The following PTK2 variants were observed in gnomAD, a reference collection of about 807,000 sequenced individuals.
PTK2 encodes the protein protein tyrosine kinase 2.
Under a neutral mutation model 150.1 loss-of-function variants are expected in PTK2, and 45 were observed. That is an observed-to-expected ratio of 0.30 (90% confidence interval 0.24 to 0.38). PTK2 has a LOEUF of 0.38. Among genes scored for constraint, PTK2 ranks in the 10% least tolerant of loss-of-function variants. The pLI is 1.00. For synonymous variants in PTK2, 432 were observed against 449.2 expected (o/e 0.96, Z 0.48); for missense variants, 919 against 1,307.3 (o/e 0.70, Z 4.58).
In PTK2 at chr8:140,758,511, C is replaced by A. The variant is rs1594244416; in HGVS notation, c.1332+2654G>T. Among the ~76,000 whole-genome samples, 3 of 152,190 alleles carry A rather than the reference C, an allele frequency of 2.0e-5. No homozygotes were observed. In the East Asian group the frequency reaches 5.8e-4, roughly 29 times the overall value. ...TGCCCTAGGAGATGACATCTCCATG[C>A]ACATTACTGCCTCTGAGGACCTTCC... On this transcript the variant is annotated intron_variant, in intron 16 of 31. Transcript: ENST00000522684.
At chr8:140,995,095 A>T (rs1217571096) in intron 1 of PTK2, among the ~76,000 whole-genome samples, 1 of 151,534 alleles carries the variant, frequency 6.6e-6, no homozygotes, top group African/African-American at 2.4e-5. Context: ...AAAAAAAAAA[A>T]AAAAGGACGG....
In PTK2 at chr8:140,719,045, G is replaced by A. The variant is rs185889194; in HGVS notation, c.2031-1336C>T. On this transcript the variant is annotated intron_variant, in intron 22 of 31. Coordinates refer to ENST00000522684, the Ensembl canonical transcript of PTK2. Reference sequence around the variant, plus strand: ...ACAAAAATTAGCCCGGTGTGGTGGCGCGTGCCTGTAGTTCCAGCTACTCGG... The same window carrying A: ...ACAAAAATTAGCCCGGTGTGGTGGCACGTGCCTGTAGTTCCAGCTACTCGG... Among the ~76,000 whole-genome samples the A allele has an allele frequency of 4.5e-3, 687 of 152,054 alleles. 4 individuals carry two copies. The highest frequency in any genetic ancestry group is 0.016 in the African/African-American group (647 of 41,474).
At chr8:140,884,789 C>T (rs1179135325) in intron 3 of PTK2, among the ~76,000 whole-genome samples, 2 of 152,196 alleles carry the variant, frequency 1.3e-5, no homozygotes, top group Non-Finnish European at 2.9e-5. Context: ...AACGTTACTT[C>T]CCATTACCAG....
At chr8:140,753,065 C>T (rs2100063727) in intron 16 of PTK2, among the ~76,000 whole-genome samples, 1 of 152,136 alleles carries the variant, frequency 6.6e-6, no homozygotes, top group South Asian at 2.1e-4. Flanking sequence ...CATGGCCTGA[C>T]CCAAAATTTT....
chr8:140,774,184 G>A lies in PTK2; in HGVS notation c.1178-9894C>T, dbSNP rs141209064. On this transcript the variant is annotated intron_variant, in intron 14 of 31. Transcript: ENST00000522684. ...TTGTACTGAGTTACTTGTTCTCTTT[G>A]GCTTTTGCGGTACAGGGATTACTCC... Among the ~76,000 whole-genome samples, 505 of 152,124 alleles carry A rather than the reference G, an allele frequency of 3.3e-3. 3 individuals are homozygous for A. Among genetic ancestry groups the A allele is most frequent in the African/African-American group, 0.012 (490 of 41,478 alleles).
intron 8 of PTK2, among the ~76,000 whole-genome samples, chr8:140,827,283 T>G (rs2100112346): frequency 1.3e-5 from 2 of 152,210 alleles, no homozygotes; most frequent in South Asian, 4.1e-4. Context: ...GACCTCTGTT[T>G]CCTAGACAGC....
chr8:140,903,226 T>C (rs1435294217), intron 2 of PTK2, among the ~76,000 whole-genome samples: 1 of 152,174 alleles, frequency 6.6e-6, no homozygotes, highest in East Asian at 1.9e-4. Context: ...GCACCATTTA[T>C]TAAATAGGGA....
chr8:140,738,745 G>T (rs1252455800), intron 21 of PTK2, among the ~76,000 whole-genome samples: 1 of 152,168 alleles, frequency 6.6e-6, no homozygotes, highest in African/African-American at 2.4e-5. Flanking sequence ...CCCCTGTGAG[G>T]AAAGAAGAGA....
intron 2 of PTK2, among the ~76,000 whole-genome samples, chr8:140,923,090 C>T (rs977664995): frequency 3.3e-5 from 5 of 152,104 alleles, no homozygotes; most frequent in Non-Finnish European, 1.5e-5. Context: ...CTCTCCTACC[C>T]CTGCAACTAC....
At chr8:140,705,526 T>C (rs2100033226) in intron 24 of PTK2, among the ~76,000 whole-genome samples, 1 of 152,230 alleles carries the variant, frequency 6.6e-6, no homozygotes. Flanking sequence ...ACACGCTCTA[T>C]ATCCTGAAGT....
intron 17 of PTK2, among the ~76,000 whole-genome samples, chr8:140,748,919 G>T (rs2100061148): frequency 2.0e-5 from 3 of 152,072 alleles, no homozygotes; most frequent in Admixed American, 1.3e-4. Flanking sequence ...TAAAAATGGG[G>T]AAAAATAATT....
chr8:140,744,684 A>G, exon 19 of PTK2: 2 of 1,601,430 alleles, frequency 1.2e-6, no homozygotes, highest in Non-Finnish European at 8.5e-7. Flanking sequence ...CTAGATATGC[A>G]AGAGCTGTAC....
chr8:140,674,291 T>G lies in PTK2; in HGVS notation c.2709+7A>C. On this transcript the variant is annotated splice_region_variant and intron_variant, in intron 29 of 31. Transcript: ENST00000522684. The stretch of plus-strand genomic sequence containing the variant: ...GCAGAAGGTGCTGCACAGGCTCAGA[T>G]GCCCACCTTGACACCCTCGTTGTAG... 1 of 1,597,722 alleles carries G rather than the reference T, an allele frequency of 6.3e-7. No individual in the cohort carries two copies. The highest frequency in any genetic ancestry group is 8.5e-7 in the Non-Finnish European group (1 of 1,171,538).
At chr8:140,832,352 G>A (rs2100115962) in intron 7 of PTK2, among the ~76,000 whole-genome samples, 2 of 152,220 alleles carry the variant, frequency 1.3e-5, no homozygotes, top group African/African-American at 4.8e-5. Context: ...ACTGCGCCCA[G>A]CCTCAGAGAG....
chr8:140,949,438 C>T (rs1053140021), intron 1 of PTK2, among the ~76,000 whole-genome samples: 2 of 152,180 alleles, frequency 1.3e-5, no homozygotes, highest in African/African-American at 2.4e-5. Flanking sequence ...CTCCTAGCCT[C>T]GGCTCCGGAG....
chr8:140,910,124 C>T lies in PTK2; in HGVS notation c.-33+15537G>A, dbSNP rs538251816. Among the ~76,000 whole-genome samples, 25 of 152,134 alleles carry T rather than the reference C, an allele frequency of 1.6e-4. No homozygotes were observed. In the South Asian group the frequency reaches 2.1e-3, roughly 13 times the overall value. On this transcript the variant is annotated intron_variant, in intron 2 of 31. Coordinates refer to ENST00000522684, the Ensembl canonical transcript of PTK2. ...GGCTGTTACCATCTCATTGATTCTG[C>T]CAATTTTACAAAACAGTAAGATTTT...
chr8:140,860,257 C>A (rs376843028), intron 5 of PTK2, among the ~76,000 whole-genome samples: 36 of 152,214 alleles, frequency 2.4e-4, no homozygotes, highest in African/African-American at 8.4e-4. Flanking sequence ...CTTATAAGCA[C>A]CCTTGTACAT....
chr8:140,914,998 A>C (rs2100164666), intron 2 of PTK2, among the ~76,000 whole-genome samples: 1 of 133,472 alleles, frequency 7.5e-6, no homozygotes, highest in Non-Finnish European at 1.5e-5. Flanking sequence ...ACGCCATTGC[A>C]CTCCAGCCTG....
At chr8:140,820,379 G>T (rs2100107769) in intron 8 of PTK2, among the ~76,000 whole-genome samples, 1 of 151,800 alleles carries the variant, frequency 6.6e-6, no homozygotes, top group Non-Finnish European at 1.5e-5. Flanking sequence ...GGGATTATAG[G>T]CATGAGCCAC....
Sources: allele counts gnomAD v4.1 joint callset (sites outside exome capture counted in the v4.1 genomes callset), GRCh38; gene constraint gnomAD v4.1.1; transcripts MANE v1.5; gene names NCBI Gene and HGNC (gene_info 2026-07-23, HGNC 2026-07-21).